MECOM: variants seen among roughly 807,000 people sequenced by gnomAD.
The protein encoded by MECOM is histone-lysine N-methyltransferase MECOM.
A neutral mutation model predicts 116.3 loss-of-function variants in MECOM; 13 were observed. The ratio of observed to expected loss-of-function variants is 0.11; its 90% CI spans 0.07 to 0.18. The LOEUF (loss-of-function observed/expected upper bound fraction) is 0.18. Among genes scored for constraint, MECOM ranks in the 10% least tolerant of loss-of-function variants. The probability of loss-of-function intolerance (pLI) is 1.00; values close to 1 mark genes in which losing one functional copy is unlikely to be tolerated. For missense variants in MECOM, 1,299 were observed against 1,509.0 expected, an observed-to-expected ratio of 0.86 and a Z score of 2.31; for synonymous variants, 528 against 535.2, an observed-to-expected ratio of 0.99 and a Z score of 0.19.
intron 1 of MECOM, among the ~76,000 whole-genome samples, chr3:169,521,172 A>G (rs1333930756): frequency 1.3e-5 from 2 of 152,180 alleles, no homozygotes; most frequent in East Asian, 3.8e-4. Context: ...TCAAAGACCT[A>G]GGCTGGTTGG....
chr3:169,641,110 C>A (rs16854251), intron 1 of MECOM, among the ~76,000 whole-genome samples: 20,173 of 152,092 alleles, frequency 0.13, 2,490 homozygotes, highest in African/African-American at 0.33. Flanking sequence ...GGAGTTCAGG[C>A]AAACAGGATG....
intron 2 of MECOM, among the ~76,000 whole-genome samples, chr3:169,357,332 T>C (rs985272068): frequency 1.3e-4 from 20 of 151,754 alleles, no homozygotes; most frequent in African/African-American, 3.9e-4. Context: ...CAAATATAAG[T>C]AGATCCTCAG....
intron 1 of MECOM, among the ~76,000 whole-genome samples, chr3:169,447,621 G>A (rs1744876400): frequency 6.6e-6 from 1 of 152,180 alleles, no homozygotes; most frequent in South Asian, 2.1e-4. Flanking sequence ...AATCCATAGT[G>A]GGAAGCAGAG....
intron 9 of MECOM, among the ~76,000 whole-genome samples, chr3:169,111,737 T>TTA (rs1387220984): frequency 6.6e-6 from 1 of 152,060 alleles, no homozygotes. Flanking sequence ...CAGAAGATTG[T>TTA]GTTACAACTC....
At position 169,115,468 on chromosome 3, in the gene MECOM, C is replaced by T. The variant is rs1223722811; in HGVS notation, c.2404G>A (p.Gly802Arg). 6.2e-7 allele frequency: 1 copy of T among 1,614,076 alleles called. No homozygotes were observed. Residue 802 changes from glycine to arginine, a missense_variant, in exon 8 of 17, where the codon GGA becomes AGA. Physicochemically the swap from Gly to Arg is moderately radical, Grantham distance 125 (BLOSUM62 -2). Coordinates refer to ENST00000651503, the MANE Select transcript of MECOM (RefSeq NM_004991.4). Reference protein sequence around the residue: ...RKNHVFGGKKGSNVESRPASD... With the variant: ...RKNHVFGGKKRSNVESRPASD... The stretch of plus-strand genomic sequence containing the variant: ...GCAGGTCTTGATTCGACGTTGCTTC[C>T]TTTTTTTCCCCCAAACACGTGGTTT...
At position 169,536,467 on chromosome 3, in the gene MECOM, T is replaced by C. The variant is rs559496361; in HGVS notation, c.37+126869A>G. 8.7e-5 allele frequency among the ~76,000 whole-genome samples: 13 copies of C among 149,408 alleles called. No homozygotes were observed. In the South Asian group the frequency reaches 2.7e-3, roughly 31 times the overall value. On this transcript the variant is annotated intron_variant, in intron 1 of 16. Coordinates refer to ENST00000651503, the MANE Select transcript of MECOM (RefSeq NM_004991.4). ...GGACGTTAATTCAGCAGACCCTGAA[T>C]AGTACAAGCAGACCCTGAGACTGAA...
At chr3:169,213,579 A>G (rs561695466) in intron 2 of MECOM, among the ~76,000 whole-genome samples, 166 of 152,274 alleles carry the variant, frequency 1.1e-3, no homozygotes, top group Non-Finnish European at 2.0e-3. Context: ...ATGAGCCTGA[A>G]CCAGTTTTAA....
At chr3:169,294,348 C>T (rs990560083) in intron 2 of MECOM, among the ~76,000 whole-genome samples, 9 of 152,144 alleles carry the variant, frequency 5.9e-5, no homozygotes, top group African/African-American at 1.9e-4. Context: ...GCAATTTCTA[C>T]AGGCAGGTGT....
At chr3:169,380,582 G>A (rs919870636) in intron 2 of MECOM, among the ~76,000 whole-genome samples, 43 of 151,986 alleles carry the variant, frequency 2.8e-4, no homozygotes, top group East Asian at 3.9e-4. Flanking sequence ...CATTTTGTGC[G>A]TCTGTTTTGA....
intron 1 of MECOM, among the ~76,000 whole-genome samples, chr3:169,417,864 A>AT (rs1738954274): frequency 6.6e-6 from 1 of 151,958 alleles, no homozygotes; most frequent in South Asian, 2.1e-4. Flanking sequence ...AGAACAAAAA[A>AT]CCAAACACCA....
intron 2 of MECOM, among the ~76,000 whole-genome samples, chr3:169,254,075 C>T (rs1372467991): frequency 1.3e-5 from 2 of 152,118 alleles, no homozygotes; most frequent in Non-Finnish European, 2.9e-5. Context: ...TTGAAATTCT[C>T]TCTTCTGAGT....
At position 169,276,877 on chromosome 3, in the gene MECOM, A is replaced by C. The variant is rs146702425; in HGVS notation, c.375+104310T>G. Among the ~76,000 whole-genome samples, 3 of 152,388 alleles carry C rather than the reference A, an allele frequency of 2.0e-5. No individual in the cohort carries two copies. The East Asian group carries it at 5.8e-4, about 29-fold the overall frequency. ...AAATAATTTGAAGTTTCTAAAGTGC[A>C]TAGCAAGTGCGTAGCACAGAGTGAG... On this transcript the variant is annotated intron_variant, in intron 2 of 16. Coordinates refer to ENST00000651503, the MANE Select transcript of MECOM (RefSeq NM_004991.4).
At position 169,143,843 on chromosome 3, in the gene MECOM, G is replaced by A; in HGVS notation, c.376-11C>T. ...AAATTCGTCTAAGATCTGGAGGGAA[G>A]AAGATGAGAACAATCAATTGCCATA... On this transcript the variant is annotated splice_polypyrimidine_tract_variant and intron_variant, in intron 2 of 16. Coordinates refer to ENST00000651503, the MANE Select transcript of MECOM (RefSeq NM_004991.4). 1 of 1,589,518 alleles carries A rather than the reference G, an allele frequency of 6.3e-7. No homozygotes were observed. The highest frequency in any genetic ancestry group is 2.3e-5 in the East Asian group (1 of 43,910).
chr3:169,241,018 T>A (rs1255747600), intron 2 of MECOM, among the ~76,000 whole-genome samples: 1 of 152,136 alleles, frequency 6.6e-6, no homozygotes, highest in Non-Finnish European at 1.5e-5. Flanking sequence ...ATATAAAGTG[T>A]CTACATTGCA....
At chr3:169,362,974 G>T (rs773748416) in intron 2 of MECOM, among the ~76,000 whole-genome samples, 1 of 151,768 alleles carries the variant, frequency 6.6e-6, no homozygotes, top group African/African-American at 2.4e-5. Flanking sequence ...TTCTGTGTAC[G>T]CTGATGACAT....
In MECOM at chr3:169,115,525, C is replaced by T. The variant is rs746058532; in HGVS notation, c.2347G>A (p.Ala783Thr). 8 of 1,614,008 alleles carry T rather than the reference C, an allele frequency of 5.0e-6. No individual in the cohort carries two copies. The highest frequency in any genetic ancestry group is 6.8e-6 in the Non-Finnish European group (8 of 1,180,038). ...GGCTCAGTCAGCTTTGTCCCACTGG[C>T]TCTACTCCTACTGCCCATACTTAGA... ...LDLSMGSRSRASGTKLTEPRK... is the reference protein window; with the variant it reads ...LDLSMGSRSRTSGTKLTEPRK... The change falls in exon 8 of 17, where the codon GCC becomes ACC. Residue 783 changes from alanine (A) to threonine (T), a missense_variant. Coordinates refer to ENST00000651503, the MANE Select transcript of MECOM (RefSeq NM_004991.4).
At chr3:169,285,352 T>C (rs944262796) in intron 2 of MECOM, among the ~76,000 whole-genome samples, 1 of 152,158 alleles carries the variant, frequency 6.6e-6, no homozygotes, top group Non-Finnish European at 1.5e-5. Context: ...CCATGGTCCT[T>C]ATTAAATTTT....
At chr3:169,511,570 C>A (rs1023849306) in intron 1 of MECOM, among the ~76,000 whole-genome samples, 3 of 152,076 alleles carry the variant, frequency 2.0e-5, no homozygotes, top group African/African-American at 4.8e-5. Flanking sequence ...AAGACCAGCC[C>A]GGCCAACATG....
intron 2 of MECOM, among the ~76,000 whole-genome samples, chr3:169,289,110 G>C (rs1713969420): frequency 6.6e-6 from 1 of 152,220 alleles, no homozygotes; most frequent in Non-Finnish European, 1.5e-5. Flanking sequence ...ATAAAAGTTA[G>C]TTGAATTGAA....
Sources: gnomAD v4.1 joint callset for allele counts (sites outside exome capture counted in the v4.1 genomes callset) on GRCh38, gnomAD v4.1.1 for gene constraint, MANE v1.5 for transcripts, NCBI Gene and HGNC (gene_info 2026-07-23, HGNC 2026-07-21) for gene names.